ERG: variants seen among roughly 807,000 people sequenced by gnomAD.
ERG encodes transcriptional regulator ERG.
Under a neutral mutation model 55.3 loss-of-function variants are expected in ERG, and 9 were observed. The observed-to-expected ratio is 0.16, with a 90% CI of 0.10 to 0.28. The LOEUF (loss-of-function observed/expected upper bound fraction) is 0.28, where lower values mean the gene tolerates loss of function less well. Among genes scored for constraint, ERG ranks in the 10% least tolerant of loss-of-function variants. The pLI, the probability that ERG is intolerant of heterozygous loss-of-function variation, is 1.00. For missense variants in ERG, 434 were observed against 631.6 expected (o/e 0.69, Z 3.35); for synonymous variants, 223 against 237.3 (o/e 0.94, Z 0.55).
chr21:38,528,426 T>G (rs920191261), intron 2 of ERG, among the ~76,000 whole-genome samples: 1 of 107,256 alleles, frequency 9.3e-6, no homozygotes, highest in Non-Finnish European at 1.9e-5. Context: ...TAGGAAGCCA[T>G]AGCAAACTTT....
At chr21:38,530,832 G>A (rs1345130418) in intron 2 of ERG, among the ~76,000 whole-genome samples, 1 of 152,158 alleles carries the variant, frequency 6.6e-6, no homozygotes, top group Non-Finnish European at 1.5e-5. Context: ...GTCCCGTCGA[G>A]TCACAGGATT....
chr21:38,563,657 C>T (rs1182339031), intron 2 of ERG, among the ~76,000 whole-genome samples: 1 of 152,182 alleles, frequency 6.6e-6, no homozygotes, highest in East Asian at 1.9e-4. Flanking sequence ...TTCATTGTTG[C>T]CATTGCTTAT....
intron 2 of ERG, among the ~76,000 whole-genome samples, chr21:38,518,411 G>A (rs1389311178): frequency 6.6e-6 from 1 of 152,064 alleles, no homozygotes; most frequent in African/African-American, 2.4e-5. Flanking sequence ...CATGCAGGTA[G>A]AAACAAATCA....
chr21:38,514,784 G>A (rs1386139914), intron 2 of ERG, among the ~76,000 whole-genome samples: 1 of 151,848 alleles, frequency 6.6e-6, no homozygotes, highest in East Asian at 1.9e-4. Context: ...AATGTTAAAG[G>A]ATTGGGAAAA....
intron 2 of ERG, among the ~76,000 whole-genome samples, chr21:38,573,602 T>C (rs564313008): frequency 1.9e-4 from 29 of 152,346 alleles, no homozygotes; most frequent in South Asian, 6.2e-4. Flanking sequence ...AATTATGACA[T>C]AGATTCTTTT....
chr21:38,596,552 C>A (rs1013930018), intron 1 of ERG, among the ~76,000 whole-genome samples: 5 of 152,188 alleles, frequency 3.3e-5, no homozygotes, highest in African/African-American at 1.2e-4. Flanking sequence ...CTTTGTGAGC[C>A]AAACCGTGTG....
chr21:38,393,659 G>A (rs1988077540), intron 6 of ERG, among the ~76,000 whole-genome samples: 1 of 152,196 alleles, frequency 6.6e-6, no homozygotes, highest in African/African-American at 2.4e-5. Context: ...GCTTGACTGT[G>A]TTGCAGAAGA....
chr21:38,579,618 C>G (rs1213966358), intron 1 of ERG, among the ~76,000 whole-genome samples: 2 of 152,170 alleles, frequency 1.3e-5, no homozygotes, highest in Non-Finnish European at 2.9e-5. Context: ...TCTCCCAGCT[C>G]TGCCACATTA....
At chr21:38,559,210 T>C (rs2059877028) in intron 2 of ERG, among the ~76,000 whole-genome samples, 1 of 152,084 alleles carries the variant, frequency 6.6e-6, no homozygotes, top group Non-Finnish European at 1.5e-5. Context: ...AGTACTTTTT[T>C]TTCTGGTCCA....
In ERG at chr21:38,380,762, G is replaced by C; in HGVS notation, c.*2641C>G. On this transcript the variant is annotated 3_prime_UTR_variant, in exon 10 of 10. Coordinates refer to ENST00000288319, the MANE Select transcript of ERG (RefSeq NM_182918.4). ...GCTAATAACCTGGACTGGGGGTGGA[G>C]GGTTGAGGGATCTAATGGAAAACAT... 2 of 1,064,798 alleles carry C rather than the reference G, an allele frequency of 1.9e-6. No homozygotes were observed. Among genetic ancestry groups the C allele is most frequent in the African/African-American group, 1.6e-5 (1 of 61,030 alleles). 66.0% of individuals were successfully genotyped at this position (1,064,798 alleles called of 1,614,324 possible). A position where few individuals can be genotyped will look rare whatever the true frequency, so the allele number is the denominator to read the frequency against.
At chr21:38,583,614 T>G (rs1221759716) in intron 1 of ERG, among the ~76,000 whole-genome samples, 1 of 152,194 alleles carries the variant, frequency 6.6e-6, no homozygotes, top group Admixed American at 6.5e-5. Context: ...GTTCATGCAC[T>G]GGAGTACTAA....
downstream of ERG, among the ~76,000 whole-genome samples, chr21:38,377,056 AG>A (rs750424110): frequency 1.3e-5 from 2 of 152,234 alleles, no homozygotes; most frequent in Non-Finnish European, 2.9e-5. Flanking sequence ...TCCAATTTCA[AG>A]TCCTGAAAGC....
intron 2 of ERG, among the ~76,000 whole-genome samples, chr21:38,429,979 T>G (rs909818815): frequency 2.0e-5 from 3 of 152,226 alleles, no homozygotes; most frequent in Non-Finnish European, 4.4e-5. Context: ...TCCATAGTGG[T>G]TGTACTAGTT....
At chr21:38,658,585 T>C (rs1305725653) in intron 1 of ERG, among the ~76,000 whole-genome samples, 1 of 152,086 alleles carries the variant, frequency 6.6e-6, no homozygotes, top group Non-Finnish European at 1.5e-5. Context: ...AATATTACTT[T>C]TAGAAAAAAA....
chr21:38,449,504 G>A (rs1451729414), intron 1 of ERG, among the ~76,000 whole-genome samples: 1 of 152,102 alleles, frequency 6.6e-6, no homozygotes, highest in Non-Finnish European at 1.5e-5. Context: ...ATGAAGGGAG[G>A]TCCCACCAGG....
chr21:38,607,628 G>A (rs981659775), intron 1 of ERG, among the ~76,000 whole-genome samples: 1 of 151,972 alleles, frequency 6.6e-6, no homozygotes, highest in Non-Finnish European at 1.5e-5. Flanking sequence ...GACAGAGCCA[G>A]ACTCCGTCTC....
intron 1 of ERG, among the ~76,000 whole-genome samples, chr21:38,610,969 C>T (rs1216292596): frequency 6.6e-6 from 1 of 152,206 alleles, no homozygotes; most frequent in South Asian, 2.1e-4. Context: ...CCCATGTGCT[C>T]TCACCATAAC....
intron 2 of ERG, among the ~76,000 whole-genome samples, chr21:38,520,469 G>A (rs2059586186): frequency 6.6e-6 from 1 of 152,204 alleles, no homozygotes; most frequent in African/African-American, 2.4e-5. Flanking sequence ...TGTCCATGAG[G>A]TGGGCAAGAG....
chr21:38,621,605 T>C (rs761970331), intron 1 of ERG, among the ~76,000 whole-genome samples: 30 of 152,076 alleles, frequency 2.0e-4, no homozygotes, highest in Admixed American at 5.9e-4. Context: ...GTGGTTGCTG[T>C]TACAAATTAC....
Sources: allele counts gnomAD v4.1 joint callset (sites outside exome capture counted in the v4.1 genomes callset), GRCh38; gene constraint gnomAD v4.1.1; transcripts MANE v1.5; gene names NCBI Gene and HGNC (gene_info 2026-07-23, HGNC 2026-07-21).